CFAP58: variants seen among roughly 807,000 people sequenced by gnomAD.
CFAP58 encodes the protein cilia and flagella associated protein 58, also known as cilia- and flagella-associated protein 58.
In CFAP58, 88 loss-of-function variants were observed where a neutral mutation model predicts 119.5. The observed-to-expected ratio is 0.74, with a 90% CI of 0.62 to 0.88. The LOEUF is 0.88. Among genes scored for constraint, CFAP58 ranks in the 40% least tolerant of loss-of-function variants. The pLI is 0.00. For synonymous variants in CFAP58, 365 were observed against 366.3 expected, an observed-to-expected ratio of 1.00 and a Z score of 0.04; for missense variants, 990 against 1,021.2, an observed-to-expected ratio of 0.97 and a Z score of 0.42.
intron 15 of CFAP58, among the ~76,000 whole-genome samples, chr10:104,445,364 A>G (rs1481210348): frequency 6.6e-6 from 1 of 152,016 alleles, no homozygotes; most frequent in Non-Finnish European, 1.5e-5. Flanking sequence ...AACAAACCAA[A>G]AGAACAAAAA....
chr10:104,400,945 G>A lies in CFAP58; in HGVS notation c.2039+42G>A, dbSNP rs371786329. ...CTCAGGGCTGAAGGCACAGTGCAAC[G>A]TGGGGAGCTCCTAAAATCACTTCGT... On this transcript the variant is annotated intron_variant, in intron 13 of 17. Coordinates refer to ENST00000369704, the MANE Select transcript of CFAP58 (RefSeq NM_001008723.2). 106 of 1,437,464 alleles carry A rather than the reference G, an allele frequency of 7.4e-5. No homozygotes were observed. The African/African-American group carries it at 1.2e-3, about 16-fold the overall frequency. 89.0% of individuals were successfully genotyped at this position (1,437,464 alleles called of 1,614,324 possible). A position where few individuals can be genotyped will look rare whatever the true frequency, so the allele number is the denominator to read the frequency against.
chr10:104,368,361 T>C, intron 5 of CFAP58, 62 bp from the exon 6 acceptor site: 2 of 1,565,420 alleles, frequency 1.3e-6, no homozygotes, highest in Non-Finnish European at 1.7e-6. Context: ...GCCCCCTGTG[T>C]GTATATCCAA....
At chr10:104,406,359 A>C (rs1197157838) in intron 14 of CFAP58, among the ~76,000 whole-genome samples, 1 of 152,232 alleles carries the variant, frequency 6.6e-6, no homozygotes, top group African/African-American at 2.4e-5. Flanking sequence ...AGCACTTAGC[A>C]TAGTATCTGG....
At chr10:104,428,890 A>G (rs1439440207) in intron 15 of CFAP58, among the ~76,000 whole-genome samples, 2 of 152,182 alleles carry the variant, frequency 1.3e-5, no homozygotes, top group Non-Finnish European at 2.9e-5. Flanking sequence ...CTGCCGAGCA[A>G]GTATGTTGGA....
intron 9 of CFAP58, 71 bp from the exon 10 acceptor site, chr10:104,392,162 C>T: frequency 7.2e-7 from 1 of 1,389,524 alleles, no homozygotes; most frequent in African/African-American, 1.5e-5. Flanking sequence ...AGATAAAAAA[C>T]TCCATTTGTC....
intron 9 of CFAP58, among the ~76,000 whole-genome samples, chr10:104,383,279 A>G (rs1203341039): frequency 6.6e-6 from 1 of 152,212 alleles, no homozygotes; most frequent in Non-Finnish European, 1.5e-5. Flanking sequence ...TTATCAATCT[A>G]TAGTGTAATT....
At chr10:104,367,443 G>C (rs1331551191) in intron 5 of CFAP58, among the ~76,000 whole-genome samples, 1 of 150,212 alleles carries the variant, frequency 6.7e-6, no homozygotes, top group South Asian at 2.1e-4. Context: ...CTTTTTTTTT[G>C]TCCGTTGCTC....
At position 104,399,586 on chromosome 10, in the gene CFAP58, A is replaced by G. The variant is rs1325055446; in HGVS notation, c.1815+86A>G. The G allele has an allele frequency of 7.1e-6, 10 of 1,408,328 alleles. 1 individual carries two copies. The South Asian group carries it at 1.2e-4, about 17-fold the overall frequency. 87.2% of individuals were successfully genotyped at this position (1,408,328 alleles called of 1,614,324 possible). A position where few individuals can be genotyped will look rare whatever the true frequency, so the allele number is the denominator to read the frequency against. On this transcript the variant is annotated intron_variant, in intron 12 of 17. Coordinates refer to ENST00000369704, the MANE Select transcript of CFAP58 (RefSeq NM_001008723.2). ...CCCTTCGAAACTTCCTTCCTCTCTA[A>G]GCTCTTCCAACCAGCCCTATTGGAA...
At chr10:104,360,498 T>C (rs759863514) in intron 2 of CFAP58, among the ~76,000 whole-genome samples, 6 of 151,796 alleles carry the variant, frequency 4.0e-5, no homozygotes, top group Non-Finnish European at 8.8e-5. Flanking sequence ...AAAAAACTTT[T>C]AAGTGCAGGG....
chr10:104,381,728 T>A (rs1041540323), intron 9 of CFAP58, among the ~76,000 whole-genome samples: 46 of 152,174 alleles, frequency 3.0e-4, no homozygotes, highest in African/African-American at 1.0e-3. Flanking sequence ...GAAGTCAGCT[T>A]CTTCCCACTT....
chr10:104,445,186 G>C (rs938438638), intron 15 of CFAP58, among the ~76,000 whole-genome samples: 1 of 151,856 alleles, frequency 6.6e-6, no homozygotes, highest in Non-Finnish European at 1.5e-5. Flanking sequence ...AGCCAAGCAT[G>C]GTGGTGCATG....
chr10:104,382,098 T>C (rs753129982), intron 9 of CFAP58: 19 of 717,310 alleles, frequency 2.6e-5, no homozygotes, highest in Admixed American at 1.6e-4. Flanking sequence ...GTCAGCTGCA[T>C]CCCTCCTTTT....
the CFAP58 span, among the ~76,000 whole-genome samples, chr10:104,344,639 G>A: frequency 2.6e-5 from 4 of 151,110 alleles, no homozygotes; most frequent in African/African-American, 9.9e-5. Flanking sequence ...TGCAAACCTT[G>A]GTGCTAGATT....
upstream of CFAP58, among the ~76,000 whole-genome samples, chr10:104,351,028 T>C (rs897576695): frequency 6.6e-6 from 1 of 152,226 alleles, no homozygotes; most frequent in Non-Finnish European, 1.5e-5. Flanking sequence ...AGAAATGTTA[T>C]GGAGTTTCTC....
intron 4 of CFAP58, among the ~76,000 whole-genome samples, chr10:104,365,429 G>A (rs960548617): frequency 5.3e-5 from 8 of 151,936 alleles, no homozygotes; most frequent in African/African-American, 1.9e-4. Context: ...CAATATCCAG[G>A]GTCATGTAAA....
At chr10:104,449,959 TG>T (rs1476303125) in intron 16 of CFAP58, 111 bp from the exon 17 acceptor site, 8 of 1,031,042 alleles carry the variant, frequency 7.8e-6, no homozygotes, top group African/African-American at 6.5e-5. Context: ...TTGTGAAACT[TG>T]GGCATTGTTT....
chr10:104,398,743 T>A (rs2012207180), intron 11 of CFAP58, among the ~76,000 whole-genome samples: 1 of 152,224 alleles, frequency 6.6e-6, no homozygotes, highest in Non-Finnish European at 1.5e-5. Context: ...CTGGACTTCT[T>A]AATATTTGCA....
intron 5 of CFAP58, 125 bp downstream of exon 5, chr10:104,366,133 A>T: frequency 1.2e-6 from 1 of 869,248 alleles, no homozygotes; most frequent in East Asian, 2.8e-5. Context: ...CGTGCTGATG[A>T]TGTAAAACTT....
At chr10:104,438,010 AAC>A (rs1228722456) in intron 15 of CFAP58, among the ~76,000 whole-genome samples, 3 of 152,216 alleles carry the variant, frequency 2.0e-5, no homozygotes, top group African/African-American at 7.2e-5. Context: ...CAGAGGAGGA[AAC>A]ACAAATGGAT....
Sources: gnomAD v4.1 joint callset for allele counts (sites outside exome capture counted in the v4.1 genomes callset) on GRCh38, gnomAD v4.1.1 for gene constraint, MANE v1.5 for transcripts, NCBI Gene and HGNC (gene_info 2026-07-23, HGNC 2026-07-21) for gene names.